Variants in CUL5 observed in about 807,000 individuals in gnomAD.
CUL5 encodes the protein cullin 5, also known as cullin-5.
In CUL5, 26 loss-of-function variants were observed where a neutral mutation model predicts 108.8. That is an observed-to-expected ratio of 0.24 (90% CI 0.18 to 0.33). The LOEUF (loss-of-function observed/expected upper bound fraction) is 0.33, where lower values mean the gene tolerates loss of function less well. Among genes scored for constraint, CUL5 ranks in the 10% least tolerant of loss-of-function variants. The probability of loss-of-function intolerance (pLI) is 1.00; values close to 1 mark genes in which losing one functional copy is unlikely to be tolerated. For synonymous variants in CUL5, 334 were observed against 298.0 expected (o/e 1.12, Z -1.25); for missense variants, 524 against 909.2 (o/e 0.58, Z 5.45).
chr11:108,031,197 G>T (rs546645024), intron 1 of CUL5, among the ~76,000 whole-genome samples: 2 of 151,852 alleles, frequency 1.3e-5, no homozygotes, highest in African/African-American at 4.8e-5. Flanking sequence ...GCGAAACCCC[G>T]TCTCTACTGA....
chr11:108,015,179 A>T (rs1224940088), intron 1 of CUL5, among the ~76,000 whole-genome samples: 1 of 152,182 alleles, frequency 6.6e-6, no homozygotes, highest in Non-Finnish European at 1.5e-5. Flanking sequence ...GATTACAGGC[A>T]TGAGCCATCA....
At chr11:108,070,554 G>A (rs114517482) in intron 8 of CUL5, among the ~76,000 whole-genome samples, 3,602 of 152,074 alleles carry the variant, frequency 0.024, 155 homozygotes, top group African/African-American at 0.079. Flanking sequence ...AATCTTTTTA[G>A]AATGTAATAA....
chr11:108,053,601 A>G (rs1863293460), intron 5 of CUL5, among the ~76,000 whole-genome samples: 1 of 151,212 alleles, frequency 6.6e-6, no homozygotes, highest in Non-Finnish European at 1.5e-5. Flanking sequence ...TTTAACCCAT[A>G]TGGTGTTCAT....
At chr11:108,079,554 C>A (rs1165252909) in intron 11 of CUL5, among the ~76,000 whole-genome samples, 2 of 152,114 alleles carry the variant, frequency 1.3e-5, no homozygotes, top group Non-Finnish European at 1.5e-5. Context: ...ACCTTTAGTC[C>A]CTAAACACTT....
At chr11:108,024,950 G>A (rs1862419900) in intron 1 of CUL5, among the ~76,000 whole-genome samples, 1 of 152,124 alleles carries the variant, frequency 6.6e-6, no homozygotes. Context: ...TATTCCAACA[G>A]TCCACCTCCA....
In CUL5 at chr11:108,008,935, G is replaced by A. The variant is rs1861984810; in HGVS notation, c.-414G>A. 5.7e-6 allele frequency: 1 copy of A among 175,000 alleles called. No homozygotes were observed. The highest frequency in any genetic ancestry group is 1.2e-5 in the Non-Finnish European group (1 of 82,640). 10.8% of individuals were successfully genotyped at this position (175,000 alleles called of 1,614,324 possible). Reference sequence around the variant, plus strand: ...CCTCGCGTCACGTGACGTGGCCGCGGAACCTGAGCTGCGGGGCCTAAGCCG... The same window carrying A: ...CCTCGCGTCACGTGACGTGGCCGCGAAACCTGAGCTGCGGGGCCTAAGCCG... On this transcript the variant is annotated 5_prime_UTR_variant, in exon 1 of 19. Coordinates refer to ENST00000393094, the MANE Select transcript of CUL5 (RefSeq NM_003478.6).
chr11:108,061,154 G>A (rs1434412193), intron 7 of CUL5, among the ~76,000 whole-genome samples: 2 of 152,132 alleles, frequency 1.3e-5, no homozygotes. Flanking sequence ...AGCAAAAGGA[G>A]ACAGAAAGGG....
At chr11:108,101,751 C>T (rs1414321773) in intron 18 of CUL5, among the ~76,000 whole-genome samples, 1 of 152,240 alleles carries the variant, frequency 6.6e-6, no homozygotes, top group Admixed American at 6.5e-5. Flanking sequence ...CAGTGTCCCT[C>T]TGCTCTCTTT....
intron 7 of CUL5, among the ~76,000 whole-genome samples, chr11:108,067,722 A>C (rs961284030): frequency 1.3e-5 from 2 of 152,066 alleles, no homozygotes; most frequent in African/African-American, 4.8e-5. Context: ...TTAGGATTCC[A>C]CTTTGTCTTT....
intron 13 of CUL5, among the ~76,000 whole-genome samples, chr11:108,090,023 G>A (rs750261739): frequency 1.5e-5 from 2 of 134,402 alleles, no homozygotes; most frequent in Non-Finnish European, 3.2e-5. Flanking sequence ...CTGGGTAACA[G>A]AGTGGGACTC....
At chr11:108,047,869 G>A (rs1018922363) in intron 3 of CUL5, among the ~76,000 whole-genome samples, 3 of 152,052 alleles carry the variant, frequency 2.0e-5, no homozygotes, top group African/African-American at 7.2e-5. Context: ...TCAGTTTCTG[G>A]AAATAAACTT....
intron 7 of CUL5, among the ~76,000 whole-genome samples, chr11:108,055,655 A>G (rs1210139388): frequency 6.6e-6 from 1 of 151,040 alleles, no homozygotes; most frequent in Non-Finnish European, 1.5e-5. Flanking sequence ...TTTTGAGACA[A>G]GGGCTCTCTC....
chr11:108,089,562 G>T lies in CUL5; in HGVS notation c.1382G>T (p.Arg461Leu). 1 of 1,565,774 alleles carries T rather than the reference G, an allele frequency of 6.4e-7. No individual in the cohort carries two copies. ...MRYHKAHLTR[R>L]LILDISADSE... Reference sequence around the variant, plus strand: ...TATCATAAAGCTCATTTGACACGACGTCTTATATTAGACATCTCTGCCGAT... The same window carrying T: ...TATCATAAAGCTCATTTGACACGACTTCTTATATTAGACATCTCTGCCGAT... Residue 461 changes from arginine to leucine, a missense_variant, in exon 13 of 19, where the codon CGT (arginine) becomes CTT (leucine). Arg to Leu is a moderately radical substitution (Grantham distance 102). Transcript: ENST00000393094.
At chr11:108,100,122 A>G (rs117816999) in intron 18 of CUL5, among the ~76,000 whole-genome samples, 2,286 of 152,256 alleles carry the variant, frequency 0.015, 26 homozygotes, top group Non-Finnish European at 0.024. Context: ...ATCAGAATAA[A>G]TAAGAATGAT....
intron 4 of CUL5, among the ~76,000 whole-genome samples, chr11:108,051,200 G>C (rs754369275): frequency 1.1e-4 from 17 of 151,798 alleles, no homozygotes; most frequent in South Asian, 2.1e-4. Context: ...TGGGAAATTT[G>C]TGCCAAGGGA....
chr11:108,058,652 A>G (rs1445070408), intron 7 of CUL5, among the ~76,000 whole-genome samples: 1 of 152,002 alleles, frequency 6.6e-6, no homozygotes, highest in Non-Finnish European at 1.5e-5. Context: ...ATATGGTCAG[A>G]AAAGATCTCT....
intron 13 of CUL5, among the ~76,000 whole-genome samples, chr11:108,093,694 C>T (rs1864414290): frequency 6.6e-6 from 1 of 152,132 alleles, no homozygotes; most frequent in Non-Finnish European, 1.5e-5. Flanking sequence ...GTTGTGTTTA[C>T]ATTTTTTAAA....
In CUL5 at chr11:108,098,332, TCAGA is replaced by T. The variant is rs750539161; in HGVS notation, c.2025-71_2025-68del. ...TTAGCATATTTTTAAATCTTTTCTC[TCAGA>T]CATTGTTGCTATAATAGGATTTTTA... On this transcript the variant is annotated intron_variant, in intron 17 of 18. Transcript: ENST00000393094. The T allele has an allele frequency of 1.2e-5, 16 of 1,322,084 alleles. No homozygotes were observed. The South Asian group carries it at 1.4e-4, about 12-fold the overall frequency. The allele number at this position is 1,322,084 out of a possible 1,614,324, so 81.9% of individuals were successfully genotyped here.
intron 18 of CUL5, among the ~76,000 whole-genome samples, chr11:108,099,005 CTTTT>C (rs4027717): frequency 1.5e-5 from 2 of 133,146 alleles, no homozygotes; most frequent in Non-Finnish European, 1.6e-5. Context: ...GGCCAGTGTA[CTTTT>C]TTTTTTTTTT....
Sources: gnomAD v4.1 joint callset for allele counts (sites outside exome capture counted in the v4.1 genomes callset) on GRCh38, gnomAD v4.1.1 for gene constraint, MANE v1.5 for transcripts, NCBI Gene and HGNC (gene_info 2026-07-23, HGNC 2026-07-21) for gene names.